Variants in UNC13C observed in about 807,000 individuals in gnomAD.
UNC13C encodes the protein unc-13 homolog C, also known as protein unc-13 homolog C.
Under a neutral mutation model 245.4 loss-of-function variants are expected in UNC13C, and 174 were observed. The ratio of observed to expected loss-of-function variants is 0.71; its 90% CI spans 0.63 to 0.80. The LOEUF (loss-of-function observed/expected upper bound fraction) is 0.80. UNC13C is among the 30% of genes least tolerant of loss of function. UNC13C has a pLI of 0.00. For missense variants in UNC13C, 2,829 were observed against 2,602.9 expected, an observed-to-expected ratio of 1.09 and a Z score of -1.89; for synonymous variants, 992 against 895.1, an observed-to-expected ratio of 1.11 and a Z score of -1.93.
Position 54,014,223 on chromosome 15 carries a change from A to G in UNC13C, c.1320A>G (p.Lys440=), listed in dbSNP as rs772918921. The G allele has an allele frequency of 1.5e-5, 24 of 1,613,926 alleles. No individual in the cohort carries two copies. The East Asian group carries it at 5.3e-4, about 36-fold the overall frequency. ...TAAAGTTGTCTACTCCAGAGCCAAAAATCAAGAAGAACAATTGGCAGTCAC... is the reference window on the plus strand; with the variant it reads ...TAAAGTTGTCTACTCCAGAGCCAAAGATCAAGAAGAACAATTGGCAGTCAC... The part of the protein sequence containing the change: ...MAIKLSTPEP[K]IKKNNWQSPD... Residue 440 remains lysine (K), a synonymous_variant, in exon 2 of 33, where the codon AAA becomes AAG. Coordinates refer to ENST00000260323, the MANE Select transcript of UNC13C (RefSeq NM_001080534.3).
At chr15:54,272,514 G>C (rs940651457) in intron 10 of UNC13C, among the ~76,000 whole-genome samples, 2 of 152,326 alleles carry the variant, frequency 1.3e-5, no homozygotes, top group Middle Eastern at 3.4e-3. Context: ...CCATTTTACA[G>C]TGATGGTACC....
chr15:54,264,256 GA>G lies in UNC13C; in HGVS notation c.3542del (p.Asn1181ThrfsTer8), dbSNP rs2036498361. On this transcript the variant is annotated frameshift_variant, in exon 9 of 33. Coordinates refer to ENST00000260323, the MANE Select transcript of UNC13C (RefSeq NM_001080534.3). LOFTEE classifies it high-confidence loss of function. ...AMKERMKIRE[K>X]NRPEVFEVIQ... ...TGAAAGAAAGAATGAAGATCAGGGA[GA>G]AAAACCGGCCAGAAGTATTTGAAGT... 1.3e-6 allele frequency: 2 copies of G among 1,598,466 alleles called. No homozygotes were observed. The highest frequency in any genetic ancestry group is 1.1e-5 in the South Asian group (1 of 87,958).
chr15:53,849,734 A>G, the UNC13C span, among the ~76,000 whole-genome samples: 2 of 152,146 alleles, frequency 1.3e-5, no homozygotes, highest in Non-Finnish European at 2.9e-5. Flanking sequence ...TCTGGCAGCA[A>G]CCATCAATTA....
At chr15:54,406,178 G>T (rs914601396) in intron 18 of UNC13C, among the ~76,000 whole-genome samples, 1 of 152,180 alleles carries the variant, frequency 6.6e-6, no homozygotes, top group Non-Finnish European at 1.5e-5. Context: ...TTTGTGCTAG[G>T]TTCGACGAAA....
intron 2 of UNC13C, among the ~76,000 whole-genome samples, chr15:54,070,387 G>A (rs754382470): frequency 6.6e-6 from 1 of 152,150 alleles, no homozygotes; most frequent in Non-Finnish European, 1.5e-5. Flanking sequence ...GCCAACAGCT[G>A]ACTAAGTGGA....
intron 13 of UNC13C, among the ~76,000 whole-genome samples, chr15:54,303,071 C>T (rs899811599): frequency 6.6e-6 from 1 of 152,054 alleles, no homozygotes; most frequent in Non-Finnish European, 1.5e-5. Flanking sequence ...AGAGATCACT[C>T]GATTGAACCT....
chr15:53,992,423 A>T (rs1355221652), intron 1 of UNC13C, among the ~76,000 whole-genome samples: 2 of 151,954 alleles, frequency 1.3e-5, no homozygotes, highest in African/African-American at 4.8e-5. Flanking sequence ...GTAGATCTTC[A>T]TGGTGGATGC....
intron 24 of UNC13C, among the ~76,000 whole-genome samples, chr15:54,522,197 G>A (rs1044534259): frequency 1.3e-5 from 2 of 152,014 alleles, no homozygotes; most frequent in African/African-American, 2.4e-5. Flanking sequence ...CTGGCCAGGC[G>A]CGGTGGCTCA....
At chr15:54,336,490 AT>A (rs55945010) in intron 16 of UNC13C, among the ~76,000 whole-genome samples, 38,617 of 149,214 alleles carry the variant, frequency 0.26, 5,275 homozygotes, top group Admixed American at 0.35. Flanking sequence ...CTACTTTATC[AT>A]TTTTTTTTTC....
chr15:53,886,496 C>T, the UNC13C span, among the ~76,000 whole-genome samples: 9 of 152,026 alleles, frequency 5.9e-5, no homozygotes, highest in Admixed American at 4.6e-4. Context: ...ATTCATGAGA[C>T]CATACTTCTA....
chr15:54,254,016 C>T (rs925486787), intron 8 of UNC13C, among the ~76,000 whole-genome samples: 1 of 152,210 alleles, frequency 6.6e-6, no homozygotes, highest in African/African-American at 2.4e-5. Context: ...AGCAAAGAAG[C>T]ATTTTGTGAG....
chr15:54,082,465 T>A (rs2141120044), intron 2 of UNC13C, among the ~76,000 whole-genome samples: 1 of 151,826 alleles, frequency 6.6e-6, no homozygotes, highest in Admixed American at 6.6e-5. Context: ...TGTTCATTAA[T>A]TTTTTTTAAA....
chr15:54,619,574 G>T (rs997220072), intron 30 of UNC13C, among the ~76,000 whole-genome samples: 1 of 152,172 alleles, frequency 6.6e-6, no homozygotes, highest in Non-Finnish European at 1.5e-5. Context: ...ACATGTATCT[G>T]CTATCCACAC....
intron 2 of UNC13C, among the ~76,000 whole-genome samples, chr15:54,047,817 T>C (rs923505545): frequency 1.3e-5 from 2 of 152,180 alleles, no homozygotes; most frequent in African/African-American, 4.8e-5. Context: ...AAATAGAAAT[T>C]AATAATAACA....
Position 54,298,966 on chromosome 15 carries a change from CCGTGTTTAAAT to C in UNC13C, c.4104+1046_4104+1056del, listed in dbSNP as rs569377448. ...ATTTTACTAAGAAAGAAATGAGGAA[CCGTGTTTAAAT>C]CGTGTGTATATTACACACGATTTAG... On this transcript the variant is annotated intron_variant, in intron 12 of 32. Coordinates refer to ENST00000260323, the MANE Select transcript of UNC13C (RefSeq NM_001080534.3). 5.3e-5 allele frequency among the ~76,000 whole-genome samples: 8 copies of C among 152,052 alleles called. No homozygotes were observed. In the East Asian group the frequency reaches 1.4e-3, roughly 26 times the overall value.
At chr15:53,976,115 C>A (rs1024372838), upstream of UNC13C, among the ~76,000 whole-genome samples, 2 of 152,086 alleles carry the variant, frequency 1.3e-5, no homozygotes, top group African/African-American at 4.8e-5. Context: ...TTTTGATGTC[C>A]CTGCAGGTCA....
chr15:53,840,516 G>T, the UNC13C span, among the ~76,000 whole-genome samples: 1 of 152,132 alleles, frequency 6.6e-6, no homozygotes, highest in Non-Finnish European at 1.5e-5. Context: ...ACAGAGGACT[G>T]TAAGACTTGA....
the UNC13C span, among the ~76,000 whole-genome samples, chr15:53,879,909 A>G: frequency 6.6e-6 from 1 of 152,126 alleles, no homozygotes; most frequent in East Asian, 1.9e-4. Flanking sequence ...AACATAAGAC[A>G]TACGGTATAG....
the UNC13C span, among the ~76,000 whole-genome samples, chr15:53,900,303 G>A: frequency 2.6e-5 from 4 of 152,096 alleles, no homozygotes. Context: ...ATGGCCATAC[G>A]AGTTATAAAA....
Sources: gnomAD v4.1 joint callset for allele counts (sites outside exome capture counted in the v4.1 genomes callset) on GRCh38, gnomAD v4.1.1 for gene constraint, MANE v1.5 for transcripts, NCBI Gene and HGNC (gene_info 2026-07-23, HGNC 2026-07-21) for gene names.